Variants in PKHD1 observed in about 807,000 individuals in gnomAD.
The protein encoded by PKHD1 is PKHD1 ciliary IPT domain containing fibrocystin/polyductin.
Under a neutral mutation model 412.0 loss-of-function variants are expected in PKHD1, and 291 were observed. That is an observed-to-expected ratio of 0.71 (90% CI 0.64 to 0.78). The LOEUF is 0.78. PKHD1 is among the 30% of genes least tolerant of loss of function. The pLI is 0.00. For missense variants in PKHD1, 4,825 were observed against 4,950.7 expected (o/e 0.97, Z 0.76); for synonymous variants, 1,777 against 1,821.5 (o/e 0.98, Z 0.62).
chr6:51,820,343 C>A (rs1052289774), intron 52 of PKHD1, among the ~76,000 whole-genome samples: 2 of 152,142 alleles, frequency 1.3e-5, no homozygotes, highest in African/African-American at 4.8e-5. Context: ...AGCACAGATT[C>A]CAGGGGAGGG....
intron 63 of PKHD1, among the ~76,000 whole-genome samples, chr6:51,640,200 A>G (rs1769159917): frequency 6.6e-6 from 1 of 152,218 alleles, no homozygotes; most frequent in Non-Finnish European, 1.5e-5. Context: ...TCCTTTGACA[A>G]ACGTCTTTAT....
intron 34 of PKHD1, among the ~76,000 whole-genome samples, chr6:52,011,372 A>C (rs1325211551): frequency 6.6e-6 from 1 of 152,226 alleles, no homozygotes; most frequent in Non-Finnish European, 1.5e-5. Context: ...ACAATTTCAC[A>C]TGTATGATCT....
At chr6:51,643,794 G>A (rs941586589) in intron 63 of PKHD1, among the ~76,000 whole-genome samples, 1 of 152,000 alleles carries the variant, frequency 6.6e-6, no homozygotes, top group Non-Finnish European at 1.5e-5. Flanking sequence ...TCATCACCTA[G>A]GTATTAAGCC....
At chr6:51,868,574 G>A (rs1358292894) in intron 47 of PKHD1, among the ~76,000 whole-genome samples, 1 of 150,456 alleles carries the variant, frequency 6.6e-6, no homozygotes, top group African/African-American at 2.4e-5. Context: ...TAGTGCCAAG[G>A]GTAAGAAACT....
intron 35 of PKHD1, among the ~76,000 whole-genome samples, chr6:51,998,775 T>C (rs944538558): frequency 6.6e-6 from 1 of 152,202 alleles, no homozygotes; most frequent in African/African-American, 2.4e-5. Flanking sequence ...AAAAAACACA[T>C]TTCCTTTCTT....
chr6:51,724,713 C>G (rs1782354466), intron 60 of PKHD1, among the ~76,000 whole-genome samples: 1 of 152,058 alleles, frequency 6.6e-6, no homozygotes, highest in South Asian at 2.1e-4. Context: ...GAAAAGGGGA[C>G]TTTGCAGACA....
intron 60 of PKHD1, chr6:51,721,634 C>T (rs1332497378): frequency 3.6e-6 from 4 of 1,121,072 alleles, no homozygotes; most frequent in African/African-American, 3.2e-5. Flanking sequence ...AAAGCTTAAG[C>T]AACCATCCTC....
intron 59 of PKHD1, among the ~76,000 whole-genome samples, chr6:51,746,399 A>T (rs1395024334): frequency 6.6e-6 from 1 of 152,222 alleles, no homozygotes; most frequent in Non-Finnish European, 1.5e-5. Flanking sequence ...AAGACAAAAC[A>T]ATAAAACAAT....
chr6:51,826,979 G>A (rs780709301), intron 52 of PKHD1, among the ~76,000 whole-genome samples: 5 of 152,100 alleles, frequency 3.3e-5, no homozygotes, highest in Non-Finnish European at 5.9e-5. Flanking sequence ...TTTGAATAAT[G>A]ATGGGAATGT....
chr6:51,744,235 A>G (rs1379252594), intron 60 of PKHD1, 150 bp downstream of exon 60: 1 of 756,660 alleles, frequency 1.3e-6, no homozygotes, highest in South Asian at 1.4e-5. Flanking sequence ...TTCCTGTAAT[A>G]CAGGTGAATT....
At chr6:51,928,261 A>G (rs1010683703) in intron 37 of PKHD1, among the ~76,000 whole-genome samples, 1 of 152,214 alleles carries the variant, frequency 6.6e-6, no homozygotes, top group African/African-American at 2.4e-5. Context: ...GGCATTTTCA[A>G]TATCTGAAAT....
intron 37 of PKHD1, among the ~76,000 whole-genome samples, chr6:51,931,822 G>GGAGA (rs151119264): frequency 6.6e-6 from 1 of 151,290 alleles, no homozygotes; most frequent in African/African-American, 2.4e-5. Context: ...AGGAAAAGGG[G>GGAGA]GAGAGAGAGA....
intron 36 of PKHD1, among the ~76,000 whole-genome samples, chr6:51,944,987 C>G (rs967300613): frequency 6.6e-5 from 10 of 152,228 alleles, no homozygotes; most frequent in African/African-American, 2.4e-4. Context: ...CATGCCAGAG[C>G]AGTACCACAC....
At chr6:51,959,731 A>T in intron 36 of PKHD1, 139 bp downstream of exon 36, 1 of 770,976 alleles carries the variant, frequency 1.3e-6, no homozygotes, top group Non-Finnish European at 2.2e-6. Flanking sequence ...CTTCCTTTAC[A>T]TAGTAAAATT....
chr6:51,988,447 T>C (rs898356342), intron 35 of PKHD1, among the ~76,000 whole-genome samples: 3 of 152,182 alleles, frequency 2.0e-5, no homozygotes, highest in African/African-American at 7.2e-5. Flanking sequence ...TACTACATAT[T>C]TTTCATCTAG....
Position 51,856,008 on chromosome 6 carries a change from G to C in PKHD1, c.7796C>G (p.Thr2599Ser). ...CAATGTATCACGTACATAATTGACA[G>C]TGGTTGTTTTATTTCTGCTGTCAGT... The part of the protein sequence containing the change: ...TMTDSRNKTT[T>S]VNYVRDTLSN... Residue 2599 changes from threonine (T) to serine (S), a missense_variant, in exon 49 of 67, where the codon ACT becomes AGT. Coordinates refer to ENST00000371117, the MANE Select transcript of PKHD1 (RefSeq NM_138694.4). 1 of 1,608,462 alleles carries C rather than the reference G, an allele frequency of 6.2e-7. No individual in the cohort carries two copies. Among genetic ancestry groups the C allele is most frequent in the Non-Finnish European group, 8.5e-7 (1 of 1,174,964 alleles).
intron 48 of PKHD1, among the ~76,000 whole-genome samples, chr6:51,863,498 T>A (rs997915085): frequency 2.0e-5 from 3 of 152,150 alleles, no homozygotes; most frequent in African/African-American, 7.2e-5. Context: ...TGAGCTTACA[T>A]CCTCTCTATC....
At chr6:51,706,200 T>C (rs915040372) in intron 60 of PKHD1, among the ~76,000 whole-genome samples, 3 of 152,106 alleles carry the variant, frequency 2.0e-5, no homozygotes, top group Admixed American at 1.3e-4. Context: ...CCGTTGCCTG[T>C]TGTGTCTGCT....
At chr6:51,934,044 G>C in intron 37 of PKHD1, 66 bp downstream of exon 37, 1 of 1,267,932 alleles carries the variant, frequency 7.9e-7, no homozygotes, top group Non-Finnish European at 1.2e-6. Context: ...CTTTTAAACA[G>C]TTTTATCAGT....
Sources: allele counts gnomAD v4.1 joint callset (sites outside exome capture counted in the v4.1 genomes callset), GRCh38; gene constraint gnomAD v4.1.1; transcripts MANE v1.5; gene names NCBI Gene and HGNC (gene_info 2026-07-23, HGNC 2026-07-21).